The following ARHGEF12 variants were observed in gnomAD, a reference collection of about 807,000 sequenced individuals.
ARHGEF12 encodes Rho guanine nucleotide exchange factor 12.
In ARHGEF12, 66 loss-of-function variants were observed where a neutral mutation model predicts 211.2. The ratio of observed to expected loss-of-function variants is 0.31; its 90% CI spans 0.26 to 0.38. ARHGEF12 has a LOEUF of 0.38. Ranked by LOEUF, ARHGEF12 falls within the 10% of genes least tolerant of loss-of-function variation. The pLI is 1.00. For synonymous variants in ARHGEF12, 592 were observed against 638.4 expected, an observed-to-expected ratio of 0.93 and a Z score of 1.09; for missense variants, 1,429 against 1,869.5, an observed-to-expected ratio of 0.76 and a Z score of 4.34.
intron 1 of ARHGEF12, among the ~76,000 whole-genome samples, chr11:120,374,970 A>G (rs1250605372): frequency 6.6e-6 from 1 of 152,190 alleles, no homozygotes; most frequent in Non-Finnish European, 1.5e-5. Context: ...TTTACCCACA[A>G]AATCTTCAGA....
intron 1 of ARHGEF12, among the ~76,000 whole-genome samples, chr11:120,374,397 A>G (rs1336013318): frequency 6.6e-6 from 1 of 152,190 alleles, no homozygotes. Context: ...AGCACCTATA[A>G]AAAGTAGGGG....
At chr11:120,423,731 A>T (rs528898926) in intron 6 of ARHGEF12, among the ~76,000 whole-genome samples, 2 of 152,130 alleles carry the variant, frequency 1.3e-5, no homozygotes, top group Non-Finnish European at 2.9e-5. Flanking sequence ...GGGCAGGATG[A>T]GTATACTTGT....
In ARHGEF12 at chr11:120,458,190, T is replaced by G; in HGVS notation, c.2336T>G (p.Leu779Arg). ...WQQLVSREVLLGLKPCEIKRQ... is the reference protein window; with the variant it reads ...WQQLVSREVLRGLKPCEIKRQ... Reference sequence around the variant, plus strand: ...CAGCTTGTTAGTCGAGAAGTGTTACTGGGACTAAAACCTTGTGAAATCAAA... The same window carrying G: ...CAGCTTGTTAGTCGAGAAGTGTTACGGGGACTAAAACCTTGTGAAATCAAA... Residue 779 changes from leucine (L) to arginine (R), a missense_variant, in exon 25 of 41, where the codon CTG becomes CGG. Transcript: ENST00000397843. 6.2e-7 allele frequency: 1 copy of G among 1,613,718 alleles called. No homozygotes were observed. Among genetic ancestry groups the G allele is most frequent in the East Asian group, 2.2e-5 (1 of 44,846 alleles).
chr11:120,351,494 C>T (rs1467683745), intron 1 of ARHGEF12, among the ~76,000 whole-genome samples: 4 of 103,590 alleles, frequency 3.9e-5, no homozygotes, highest in Non-Finnish European at 5.4e-5. Flanking sequence ...GACAAAGTCT[C>T]GCTCTGTTGC....
rs1369707044 is a variant in ARHGEF12 at position 120,478,498 on chromosome 11, G to A, written c.3766+109G>A. The A allele has an allele frequency of 3.7e-6, 4 of 1,069,660 alleles. No homozygotes were observed. The African/African-American group carries it at 6.3e-5, about 17-fold the overall frequency. The allele number at this position is 1,069,660 out of a possible 1,614,324, so 66.3% of individuals were successfully genotyped here. ...CTCCACTTATTCTTCTAGTTCTATT[G>A]TGGAGATTATAGTATTCTCTACAGT... On this transcript the variant is annotated intron_variant, in intron 37 of 40. Coordinates refer to ENST00000397843, the MANE Select transcript of ARHGEF12 (RefSeq NM_015313.3).
intron 4 of ARHGEF12, among the ~76,000 whole-genome samples, chr11:120,416,808 C>T (rs999003040): frequency 8.5e-5 from 13 of 152,168 alleles, no homozygotes; most frequent in African/African-American, 3.1e-4. Context: ...CGCGCCACCA[C>T]GCACAGCTAG....
chr11:120,406,210 A>G (rs1944699516), intron 2 of ARHGEF12, 69 bp downstream of exon 2: 2 of 1,105,286 alleles, frequency 1.8e-6, no homozygotes, highest in African/African-American at 1.6e-5. Context: ...TCCCTTTGAA[A>G]TTATGGTGGA....
intron 1 of ARHGEF12, among the ~76,000 whole-genome samples, chr11:120,368,581 A>G (rs1210950811): frequency 2.0e-5 from 3 of 152,230 alleles, no homozygotes; most frequent in Non-Finnish European, 4.4e-5. Flanking sequence ...TTGTGAGGAA[A>G]TTAAGGTTCA....
At chr11:120,459,415 C>T in intron 26 of ARHGEF12, 95 bp downstream of exon 26, 2 of 1,298,196 alleles carry the variant, frequency 1.5e-6, no homozygotes, top group South Asian at 2.9e-5. Context: ...TGTTAGTATT[C>T]CTGAGATTAT....
chr11:120,477,420 T>G (rs1292445451), intron 35 of ARHGEF12, 27 bp from the exon 36 acceptor site: 2 of 501,652 alleles, frequency 4.0e-6, no homozygotes, highest in African/African-American at 2.2e-5. Context: ...AAGGTAAAAG[T>G]TTTTTTTTTT....
intron 33 of ARHGEF12, among the ~76,000 whole-genome samples, chr11:120,475,711 T>C (rs987105863): frequency 6.7e-6 from 1 of 148,638 alleles, no homozygotes; most frequent in African/African-American, 2.5e-5. Flanking sequence ...TGTGAACAGT[T>C]TTCTGCATTT....
At chr11:120,377,951 A>G (rs1276548197) in intron 1 of ARHGEF12, among the ~76,000 whole-genome samples, 3 of 151,926 alleles carry the variant, frequency 2.0e-5, no homozygotes, top group African/African-American at 7.3e-5. Context: ...ATTTTTTTAG[A>G]GATGGGGTCT....
intron 12 of ARHGEF12, among the ~76,000 whole-genome samples, chr11:120,437,716 A>G (rs1945736276): frequency 6.6e-6 from 1 of 152,122 alleles, no homozygotes; most frequent in Admixed American, 6.5e-5. Context: ...TACCCGGTAA[A>G]CACTAAGTCT....
At chr11:120,454,696 G>T (rs551599929) in intron 22 of ARHGEF12, among the ~76,000 whole-genome samples, 1 of 152,210 alleles carries the variant, frequency 6.6e-6, no homozygotes, top group Non-Finnish European at 1.5e-5. Context: ...CCATTTCTGT[G>T]CCCACTCAGG....
intron 1 of ARHGEF12, among the ~76,000 whole-genome samples, chr11:120,375,967 G>T (rs1943713659): frequency 1.3e-5 from 2 of 151,972 alleles, no homozygotes; most frequent in Admixed American, 6.6e-5. Context: ...CTGGAGTATG[G>T]GTTGTTGGAA....
chr11:120,391,549 A>G (rs1463367609), intron 1 of ARHGEF12, among the ~76,000 whole-genome samples: 4 of 152,364 alleles, frequency 2.6e-5, no homozygotes, highest in South Asian at 4.1e-4. Flanking sequence ...TGTCTCTGTG[A>G]AAAGCCCTGA....
At chr11:120,453,333 C>CA (rs1456293189) in intron 22 of ARHGEF12, among the ~76,000 whole-genome samples, 4 of 151,980 alleles carry the variant, frequency 2.6e-5, no homozygotes, top group African/African-American at 7.3e-5. Flanking sequence ...GGCGGATGAA[C>CA]AGAAACCATA....
At chr11:120,463,732 A>G (rs1020771418) in intron 27 of ARHGEF12, 5 of 152,172 alleles carry the variant, frequency 3.3e-5, no homozygotes, top group African/African-American at 1.2e-4. Context: ...GGAGTGACCT[A>G]TTAAAATATT....
At chr11:120,344,311 C>A (rs2135252469) in intron 1 of ARHGEF12, among the ~76,000 whole-genome samples, 1 of 150,060 alleles carries the variant, frequency 6.7e-6, no homozygotes, top group South Asian at 2.1e-4. Context: ...ACTTCATCAG[C>A]CTCTGAAGGA....
Sources: gnomAD v4.1 joint callset for allele counts (sites outside exome capture counted in the v4.1 genomes callset) on GRCh38, gnomAD v4.1.1 for gene constraint, MANE v1.5 for transcripts, NCBI Gene and HGNC (gene_info 2026-07-23, HGNC 2026-07-21) for gene names.